Variants in DAPK2 observed in about 807,000 individuals in gnomAD.
DAPK2 encodes the protein death-associated protein kinase 2.
Under a neutral mutation model 44.1 loss-of-function variants are expected in DAPK2, and 35 were observed. The ratio of observed to expected loss-of-function variants is 0.79; its 90% confidence interval spans 0.61 to 1.05. DAPK2 has a LOEUF of 1.05. Among genes scored for constraint, DAPK2 ranks in the 50% least tolerant of loss-of-function variants. DAPK2 has a pLI of 0.00. For synonymous variants in DAPK2, 174 were observed against 182.6 expected, an observed-to-expected ratio of 0.95 and a Z score of 0.38; for missense variants, 453 against 483.2, an observed-to-expected ratio of 0.94 and a Z score of 0.59.
intron 1 of DAPK2, among the ~76,000 whole-genome samples, chr15:64,010,213 C>G (rs558402866): frequency 6.6e-6 from 1 of 152,116 alleles, no homozygotes; most frequent in African/African-American, 2.4e-5. Flanking sequence ...TTTGATAAGC[C>G]CTCTGAGGAT....
chr15:63,959,280 T>C (rs1408232955), intron 3 of DAPK2, among the ~76,000 whole-genome samples: 3 of 152,244 alleles, frequency 2.0e-5, no homozygotes, highest in Non-Finnish European at 4.4e-5. Context: ...TTTCTAAATA[T>C]ACAATCGTAT....
intron 3 of DAPK2, among the ~76,000 whole-genome samples, chr15:63,950,490 T>C (rs1015391951): frequency 2.0e-5 from 3 of 152,004 alleles, no homozygotes; most frequent in African/African-American, 7.3e-5. Context: ...AGTGCTGGGA[T>C]TACAGCCATG....
intron 3 of DAPK2, among the ~76,000 whole-genome samples, chr15:63,948,679 C>A (rs1015853913): frequency 6.6e-6 from 1 of 152,226 alleles, no homozygotes; most frequent in African/African-American, 2.4e-5. Context: ...GCCTGCTTCT[C>A]ACACTCCTCC....
At chr15:63,956,064 G>A (rs1567230946) in intron 3 of DAPK2, among the ~76,000 whole-genome samples, 1 of 152,146 alleles carries the variant, frequency 6.6e-6, no homozygotes, top group Non-Finnish European at 1.5e-5. Context: ...CTTCTAGGTT[G>A]TCCAGCCTAT....
chr15:63,911,830 G>A, intron 10 of DAPK2, 78 bp downstream of exon 11: 1 of 1,434,942 alleles, frequency 7.0e-7, no homozygotes, highest in Non-Finnish European at 9.7e-7. Context: ...GCCTTGTGAG[G>A]GGAAAGGGAA....
intron 4 of DAPK2, among the ~76,000 whole-genome samples, chr15:63,934,845 T>A (rs4776677): frequency 2.0e-5 from 3 of 151,954 alleles, no homozygotes; most frequent in Non-Finnish European, 4.4e-5. Flanking sequence ...CAGGCGTGAG[T>A]CACTACGCCC....
Position 63,912,370 on chromosome 15 carries a change from A to G in DAPK2, c.859-173T>C, listed in dbSNP as rs540660830. 7.2e-5 allele frequency among the ~76,000 whole-genome samples: 11 copies of G among 152,308 alleles called. No individual in the cohort carries two copies. The highest frequency in any genetic ancestry group is 2.6e-4 in the African/African-American group (11 of 41,562). The stretch of plus-strand genomic sequence containing the variant: ...ATCACAGTCAGGGCAACAGCTACAC[A>G]TGTCTCAGCTGTTCAGGAGTTGCCT... On this transcript the variant is annotated intron_variant, in intron 8 of 10. Transcript: ENST00000261891. This position sits in a 1 kb window ranked among gnomAD's most constrained non-coding sequence, Gnocchi z 4.4.
chr15:64,044,203 T>TC (rs1300865892), upstream of DAPK2, among the ~76,000 whole-genome samples: 7 of 152,090 alleles, frequency 4.6e-5, no homozygotes, highest in Non-Finnish European at 7.4e-5. Context: ...GGCCATCAGC[T>TC]CCAGATGCTC....
chr15:63,914,278 G>A (rs1354983421), intron 8 of DAPK2, among the ~76,000 whole-genome samples: 1 of 152,194 alleles, frequency 6.6e-6, no homozygotes, highest in Non-Finnish European at 1.5e-5. Flanking sequence ...ACCTGGAAGT[G>A]GATGGGAGAT....
Position 63,991,824 on chromosome 15 carries a change from G to C in DAPK2, c.93-8070C>G, listed in dbSNP as rs995942291. ...TCCAACCAAGCCGAACTCAGGGTCA[G>C]CGGTGAGGAGCACATGTAGGCTAAG... On this transcript the variant is annotated intron_variant, in intron 1 of 10. Transcript: ENST00000261891. 6.3e-4 allele frequency among the ~76,000 whole-genome samples: 96 copies of C among 152,228 alleles called. 1 individual carries two copies. Among genetic ancestry groups the C allele is most frequent in the Non-Finnish European group, 1.8e-4 (12 of 68,046 alleles).
In DAPK2 at chr15:63,995,374, T is replaced by C. The variant is rs181134229; in HGVS notation, c.93-11620A>G. Among the ~76,000 whole-genome samples the C allele has an allele frequency of 2.0e-5, 3 of 152,356 alleles. No homozygotes were observed. The East Asian group carries it at 5.8e-4, about 29-fold the overall frequency. On this transcript the variant is annotated intron_variant, in intron 1 of 10. Transcript: ENST00000261891. ...TGTATTTGTGATATTTAACCTTTTG[T>C]CAAATATGTTGAAAAGATTTTCCCT...
chr15:63,929,912 T>C (rs997229849), intron 5 of DAPK2: 26 of 471,546 alleles, frequency 5.5e-5, no homozygotes, highest in Non-Finnish European at 9.2e-5. Context: ...CACAGGACTG[T>C]TGGCAGGATT....
At position 63,990,939 on chromosome 15, in the gene DAPK2, T is replaced by A. The variant is rs909321357; in HGVS notation, c.93-7185A>T. ...CTGGGGATGGTGTCACTGAGCCCCCTCCCTACTCCTCTGCCTGGCCAGGCT... is the reference window on the plus strand; with the variant it reads ...CTGGGGATGGTGTCACTGAGCCCCCACCCTACTCCTCTGCCTGGCCAGGCT... On this transcript the variant is annotated intron_variant, in intron 1 of 10. Coordinates refer to ENST00000261891, the Ensembl canonical transcript of DAPK2. The surrounding 1 kb of genome is among the most constrained non-coding windows in gnomAD (Gnocchi z 4.3). 3.9e-5 allele frequency among the ~76,000 whole-genome samples: 6 copies of A among 151,954 alleles called. No homozygotes were observed. The highest frequency in any genetic ancestry group is 1.5e-4 in the African/African-American group (6 of 41,338).
intron 3 of DAPK2, among the ~76,000 whole-genome samples, chr15:63,964,798 G>A (rs6494455): frequency 0.94 from 142,962 of 152,162 alleles, 67,524 homozygotes; most frequent in East Asian, 1. Context: ...ATTCTTTTTA[G>A]TTATTTAAAT....
intron 3 of DAPK2, among the ~76,000 whole-genome samples, chr15:63,962,934 G>A (rs1426143033): frequency 6.6e-6 from 1 of 152,238 alleles, no homozygotes; most frequent in African/African-American, 2.4e-5. Context: ...ATTCAGCTAT[G>A]CCGTGCCCCC....
chr15:63,973,002 T>C (rs746239033), intron 2 of DAPK2, among the ~76,000 whole-genome samples: 1 of 152,162 alleles, frequency 6.6e-6, no homozygotes, highest in African/African-American at 2.4e-5. Context: ...CTGAAGTCAT[T>C]TCAGAGATCG....
intron 3 of DAPK2, among the ~76,000 whole-genome samples, chr15:63,970,507 C>T (rs1456407150): frequency 6.6e-6 from 1 of 152,150 alleles, no homozygotes; most frequent in Admixed American, 6.5e-5. Context: ...GGGCTTCCTT[C>T]TAGCATAGTA....
chr15:63,939,380 A>T lies in DAPK2; in HGVS notation c.454-19T>A. On this transcript the variant is annotated intron_variant, in intron 3 of 10. Transcript: ENST00000261891. This position sits in a 1 kb window ranked among gnomAD's most constrained non-coding sequence, Gnocchi z 4.3. ...TTTCTGGCTGGACAACAAAAAGTAG[A>T]AAAAAAAAAAAGGAAGGAAGAAAAG... 1 of 808,612 alleles carries T rather than the reference A, an allele frequency of 1.2e-6. No individual in the cohort carries two copies. The highest frequency in any genetic ancestry group is 3.5e-5 in the Admixed American group (1 of 28,288). 50.1% of individuals were successfully genotyped at this position (808,612 alleles called of 1,614,324 possible). A position where few individuals can be genotyped will look rare whatever the true frequency, so the allele number is the denominator to read the frequency against.
chr15:63,918,901 G>A (rs564026873), intron 8 of DAPK2: 1 of 152,312 alleles, frequency 6.6e-6, no homozygotes, highest in East Asian at 1.9e-4. Flanking sequence ...ATGGCAGAGG[G>A]GCCTGCCCAC....
Sources: allele counts gnomAD v4.1 joint callset (sites outside exome capture counted in the v4.1 genomes callset), GRCh38; gene constraint gnomAD v4.1.1; non-coding constraint Gnocchi (gnomAD v3.1); transcripts MANE v1.5; gene names NCBI Gene and HGNC (gene_info 2026-07-23, HGNC 2026-07-21).